The following CNTLN variants were observed in gnomAD, a reference collection of about 807,000 sequenced individuals.
CNTLN encodes the protein centlein, centrosomal protein.
A neutral mutation model predicts 180.0 loss-of-function variants in CNTLN; 212 were observed. That is an observed-to-expected ratio of 1.18 (90% confidence interval 1.05 to 1.32). CNTLN has a LOEUF of 1.32. Among genes scored for constraint, CNTLN ranks in the 40% most tolerant of loss-of-function variants. The pLI, the probability that CNTLN is intolerant of heterozygous loss-of-function variation, is 0.00. For missense variants in CNTLN, 2,095 were observed against 1,610.9 expected, an observed-to-expected ratio of 1.30 and a Z score of -5.14; for synonymous variants, 722 against 563.1, an observed-to-expected ratio of 1.28 and a Z score of -3.99.
At chr9:17,257,296 G>C (rs1224497736) in intron 5 of CNTLN, among the ~76,000 whole-genome samples, 1 of 152,110 alleles carries the variant, frequency 6.6e-6, no homozygotes, top group East Asian at 1.9e-4. Context: ...TCCCTACAAA[G>C]GACATGAACT....
chr9:17,345,061 C>T (rs1821773952), intron 12 of CNTLN, among the ~76,000 whole-genome samples: 1 of 152,080 alleles, frequency 6.6e-6, no homozygotes, highest in Non-Finnish European at 1.5e-5. Context: ...TAATATGTTC[C>T]TTTTTATTGC....
chr9:17,314,236 G>T (rs1053809454), intron 8 of CNTLN, among the ~76,000 whole-genome samples: 5 of 151,810 alleles, frequency 3.3e-5, no homozygotes, highest in African/African-American at 1.2e-4. Flanking sequence ...CTTCTCTATT[G>T]GGTCTTCTTT....
intron 18 of CNTLN, among the ~76,000 whole-genome samples, chr9:17,435,283 C>G (rs1216398920): frequency 6.6e-6 from 1 of 152,128 alleles, no homozygotes; most frequent in Non-Finnish European, 1.5e-5. Flanking sequence ...TCATTCTGGT[C>G]TCATCTGCTT....
At chr9:17,152,347 C>T (rs1008664618) in intron 2 of CNTLN, among the ~76,000 whole-genome samples, 4 of 152,212 alleles carry the variant, frequency 2.6e-5, no homozygotes, top group African/African-American at 2.4e-5. Context: ...CCCAGAGATT[C>T]GGGTATGTTG....
chr9:17,429,336 G>A (rs552796826), intron 18 of CNTLN, among the ~76,000 whole-genome samples: 1 of 152,100 alleles, frequency 6.6e-6, no homozygotes, highest in African/African-American at 2.4e-5. Context: ...ATTGTTAATG[G>A]AAGCTATTGT....
chr9:17,494,842 G>A (rs986846264), intron 25 of CNTLN: 7 of 388,364 alleles, frequency 1.8e-5, no homozygotes, highest in African/African-American at 9.1e-5. Context: ...GATAATAAAT[G>A]TCTGTTACTA....
Position 17,403,623 on chromosome 9 carries a change from A to G in CNTLN, c.2616-5670A>G, listed in dbSNP as rs531940543. On this transcript the variant is annotated intron_variant, in intron 15 of 25. Transcript: ENST00000380647. ...TATTTTTACCAATATTACCATTCTT[A>G]GATTTACAAAATGACTTATATATCC... is the stretch of plus-strand genomic sequence containing the variant. Among the ~76,000 whole-genome samples the G allele has an allele frequency of 4.6e-5, 7 of 151,196 alleles. 1 individual carries two copies. The highest frequency in any genetic ancestry group is 1.7e-4 in the African/African-American group (7 of 40,896).
chr9:17,225,892 C>T (rs542762543), intron 2 of CNTLN, among the ~76,000 whole-genome samples: 1 of 152,040 alleles, frequency 6.6e-6, no homozygotes, highest in East Asian at 1.9e-4. Flanking sequence ...TATATGAAAG[C>T]TTAAATTAAC....
intron 2 of CNTLN, among the ~76,000 whole-genome samples, chr9:17,209,186 A>G (rs1416916774): frequency 6.6e-6 from 1 of 152,170 alleles, no homozygotes; most frequent in Non-Finnish European, 1.5e-5. Flanking sequence ...ATCGTCATTC[A>G]AGAGCATATT....
intron 2 of CNTLN, among the ~76,000 whole-genome samples, chr9:17,159,636 A>T (rs1819539675): frequency 6.6e-6 from 1 of 152,134 alleles, no homozygotes; most frequent in Admixed American, 6.5e-5. Flanking sequence ...AGAATTGCTG[A>T]TATCCTGTTC....
intron 12 of CNTLN, among the ~76,000 whole-genome samples, chr9:17,348,530 TTC>T (rs1339401481): frequency 1.2e-4 from 18 of 149,064 alleles, no homozygotes; most frequent in Non-Finnish European, 2.1e-4. Flanking sequence ...CTTTCTTTCT[TTC>T]TTTTTTTTTT....
chr9:17,194,819 G>C (rs2131833149), intron 2 of CNTLN, among the ~76,000 whole-genome samples: 1 of 152,328 alleles, frequency 6.6e-6, no homozygotes, highest in Non-Finnish European at 1.5e-5. Context: ...AGAAAAAGAA[G>C]TTTAATTGGA....
intron 6 of CNTLN, among the ~76,000 whole-genome samples, chr9:17,295,969 TGAGAGAGA>T (rs113148833): frequency 6.7e-5 from 8 of 119,810 alleles, no homozygotes; most frequent in Admixed American, 1.8e-4. Context: ...TACTCTTCAG[TGAGAGAGA>T]GAGAGAGAGA....
intron 15 of CNTLN, among the ~76,000 whole-genome samples, chr9:17,396,263 C>T (rs1826514453): frequency 6.6e-6 from 1 of 152,178 alleles, no homozygotes; most frequent in African/African-American, 2.4e-5. Context: ...TCTTAAAAAA[C>T]CTGCTTTCAC....
intron 6 of CNTLN, among the ~76,000 whole-genome samples, chr9:17,281,539 T>C (rs1828664051): frequency 6.6e-6 from 1 of 152,118 alleles, no homozygotes; most frequent in Non-Finnish European, 1.5e-5. Context: ...GTGCAGTGTT[T>C]GGTTTTGTGT....
At chr9:17,269,951 T>A (rs1380767178) in intron 5 of CNTLN, among the ~76,000 whole-genome samples, 5 of 152,166 alleles carry the variant, frequency 3.3e-5, no homozygotes, top group Admixed American at 3.3e-4. Context: ...CTTGTTGGTA[T>A]TGTAAATGTT....
intron 18 of CNTLN, among the ~76,000 whole-genome samples, chr9:17,417,988 T>C (rs918109159): frequency 6.6e-6 from 1 of 151,986 alleles, no homozygotes; most frequent in Admixed American, 6.6e-5. Context: ...ATGAATTACT[T>C]TCATATGAAT....
chr9:17,274,518 TATCC>T (rs1828184881), intron 6 of CNTLN, among the ~76,000 whole-genome samples: 1 of 151,810 alleles, frequency 6.6e-6, no homozygotes, highest in Non-Finnish European at 1.5e-5. Context: ...TCTTTCTATC[TATCC>T]ATCCATCCAC....
At chr9:17,422,375 C>G (rs1828782300) in intron 18 of CNTLN, among the ~76,000 whole-genome samples, 1 of 151,920 alleles carries the variant, frequency 6.6e-6, no homozygotes, top group African/African-American at 2.4e-5. Context: ...TGGGTTAAAT[C>G]TCTTATTTGG....
Sources: allele counts gnomAD v4.1 joint callset (sites outside exome capture counted in the v4.1 genomes callset), GRCh38; gene constraint gnomAD v4.1.1; transcripts MANE v1.5; gene names NCBI Gene and HGNC (gene_info 2026-07-23, HGNC 2026-07-21).